The following ROBO2 variants were observed in gnomAD, a reference collection of about 807,000 sequenced individuals.
ROBO2 encodes roundabout guidance receptor 2.
Under a neutral mutation model 160.8 loss-of-function variants are expected in ROBO2, and 53 were observed. The observed-to-expected ratio is 0.33, with a 90% CI of 0.26 to 0.41. The LOEUF (loss-of-function observed/expected upper bound fraction) is 0.41. Ranked by LOEUF, ROBO2 falls within the 10% of genes least tolerant of loss-of-function variation. The pLI is 1.00. For missense variants in ROBO2, 1,577 were observed against 1,722.4 expected (o/e 0.92, Z 1.49); for synonymous variants, 664 against 611.7 (o/e 1.09, Z -1.26).
chr3:77,107,745 C>T (rs1044845126), intron 2 of ROBO2, among the ~76,000 whole-genome samples: 4 of 152,032 alleles, frequency 2.6e-5, no homozygotes, highest in African/African-American at 4.8e-5. Flanking sequence ...AGAGCCAGGC[C>T]GTTTCCTAGT....
At chr3:76,830,049 C>G (rs1241247603) in intron 2 of ROBO2, among the ~76,000 whole-genome samples, 1 of 152,184 alleles carries the variant, frequency 6.6e-6, no homozygotes, top group Non-Finnish European at 1.5e-5. Context: ...TCCAATCATT[C>G]TCAGTTTCAT....
intron 2 of ROBO2, among the ~76,000 whole-genome samples, chr3:77,260,679 C>T (rs184360968): frequency 3.4e-4 from 51 of 152,200 alleles, no homozygotes; most frequent in Admixed American, 3.3e-3. Flanking sequence ...CAAGGTCCCA[C>T]AAGCGGTAGA....
chr3:75,951,156 G>A (rs1948518771), intron 2 of ROBO2, among the ~76,000 whole-genome samples: 1 of 151,820 alleles, frequency 6.6e-6, no homozygotes, highest in Admixed American at 6.6e-5. Flanking sequence ...TATCCCCCCT[G>A]TATGCGTGTA....
At chr3:76,593,752 C>T (rs1384847497) in intron 2 of ROBO2, among the ~76,000 whole-genome samples, 1 of 151,884 alleles carries the variant, frequency 6.6e-6, no homozygotes, top group Non-Finnish European at 1.5e-5. Flanking sequence ...AGTTGAGTTG[C>T]TCTCTTCTTT....
intron 2 of ROBO2, among the ~76,000 whole-genome samples, chr3:76,645,417 A>G (rs1046215722): frequency 2.6e-4 from 40 of 152,218 alleles, no homozygotes; most frequent in African/African-American, 9.4e-4. Flanking sequence ...CCTAAAGAGC[A>G]GTACTTTTTG....
At chr3:77,033,792 T>C (rs894040854) in intron 2 of ROBO2, among the ~76,000 whole-genome samples, 1 of 152,086 alleles carries the variant, frequency 6.6e-6, no homozygotes, top group Non-Finnish European at 1.5e-5. Flanking sequence ...TAATTTCACA[T>C]TGATAAAAAT....
intron 2 of ROBO2, among the ~76,000 whole-genome samples, chr3:76,808,238 A>T (rs1232743400): frequency 6.6e-6 from 1 of 152,162 alleles, no homozygotes; most frequent in Non-Finnish European, 1.5e-5. Context: ...ACTGCAAATA[A>T]CACAGGACCC....
At chr3:75,970,039 T>C (rs2064949471) in intron 2 of ROBO2, among the ~76,000 whole-genome samples, 1 of 151,566 alleles carries the variant, frequency 6.6e-6, no homozygotes, top group Non-Finnish European at 1.5e-5. Context: ...AGGCCTTTAA[T>C]CCACCTTGAG....
At chr3:76,148,862 G>C (rs2072029318) in intron 2 of ROBO2, among the ~76,000 whole-genome samples, 1 of 151,966 alleles carries the variant, frequency 6.6e-6, no homozygotes, top group Non-Finnish European at 1.5e-5. Context: ...TGCAGTGCTT[G>C]TCTTTCTTTT....
chr3:76,749,421 A>T (rs1002297484), intron 2 of ROBO2, among the ~76,000 whole-genome samples: 1 of 151,968 alleles, frequency 6.6e-6, no homozygotes, highest in Non-Finnish European at 1.5e-5. Flanking sequence ...ATTGGTAGAT[A>T]AAATAGGAGA....
intron 2 of ROBO2, among the ~76,000 whole-genome samples, chr3:76,367,278 A>G (rs1404567112): frequency 6.6e-6 from 1 of 151,980 alleles, no homozygotes; most frequent in South Asian, 2.1e-4. Context: ...CCCCCTCTCT[A>G]TTGAGAGATG....
intron 2 of ROBO2, among the ~76,000 whole-genome samples, chr3:77,364,665 G>C (rs1420419200): frequency 6.6e-6 from 1 of 152,120 alleles, no homozygotes; most frequent in Non-Finnish European, 1.5e-5. Context: ...TTTGTAAAAA[G>C]AGAATAATAG....
At chr3:76,145,672 C>G (rs1040777523) in intron 2 of ROBO2, among the ~76,000 whole-genome samples, 4 of 151,914 alleles carry the variant, frequency 2.6e-5, no homozygotes, top group Non-Finnish European at 5.9e-5. Flanking sequence ...TGTATAACTC[C>G]TTAGAAAAAG....
intron 2 of ROBO2, among the ~76,000 whole-genome samples, chr3:77,372,295 G>C (rs1291562554): frequency 6.6e-6 from 1 of 152,110 alleles, no homozygotes; most frequent in Non-Finnish European, 1.5e-5. Context: ...ATATTAAACG[G>C]AAAAGAGATG....
rs9846941 is a variant in ROBO2 at position 75,916,576 on chromosome 3, A to G, written c.-14+9616A>G. On this transcript the variant is annotated intron_variant, in intron 1 of 26. Coordinates refer to the ROBO2 transcript ENST00000487694. ...TTTTGATAAGTGTACACATATATTT[A>G]TAACTGACCTTTCTTTGTCAAGTGT... Among the ~76,000 whole-genome samples the G allele has an allele frequency of 5.9e-3, 901 of 152,316 alleles. 8 individuals carry two copies. The highest frequency in any genetic ancestry group is 0.021 in the African/African-American group (864 of 41,572).
chr3:77,171,035 C>T (rs1043178267), intron 2 of ROBO2, among the ~76,000 whole-genome samples: 2 of 152,020 alleles, frequency 1.3e-5, no homozygotes, highest in Non-Finnish European at 2.9e-5. Context: ...AGGGATGTGC[C>T]GGTGAGACTG....
chr3:77,124,750 A>G (rs921583702), intron 2 of ROBO2, among the ~76,000 whole-genome samples: 1 of 152,100 alleles, frequency 6.6e-6, no homozygotes, highest in African/African-American at 2.4e-5. Flanking sequence ...TTAGGCAACC[A>G]TTTTTAGTTC....
intron 1 of ROBO2, among the ~76,000 whole-genome samples, chr3:77,086,508 G>A (rs189129269): frequency 2.2e-3 from 328 of 152,128 alleles, no homozygotes; most frequent in Non-Finnish European, 2.9e-3. Flanking sequence ...TCTTAAAAAC[G>A]AACATGCACA....
chr3:77,579,237 T>G (rs2093848977), intron 15 of ROBO2, among the ~76,000 whole-genome samples: 1 of 152,128 alleles, frequency 6.6e-6, no homozygotes, highest in African/African-American at 2.4e-5. Context: ...TAAAATTTGA[T>G]TCCTACTTGA....
Sources: gnomAD v4.1 joint callset for allele counts (sites outside exome capture counted in the v4.1 genomes callset) on GRCh38, gnomAD v4.1.1 for gene constraint, MANE v1.5 for transcripts, NCBI Gene and HGNC (gene_info 2026-07-23, HGNC 2026-07-21) for gene names.